Variants in DOCK3 observed in about 807,000 individuals in gnomAD.
DOCK3 encodes the protein dedicator of cytokinesis 3.
DOCK3 carries 60 observed loss-of-function variants against 265.6 expected under a neutral mutation model. The observed-to-expected ratio is 0.23, with a 90% confidence interval of 0.18 to 0.28. DOCK3 has a LOEUF of 0.28. Among genes scored for constraint, DOCK3 ranks in the 10% least tolerant of loss-of-function variants. DOCK3 has a pLI of 1.00. For missense variants in DOCK3, 1,981 were observed against 2,594.3 expected, an observed-to-expected ratio of 0.76 and a Z score of 5.14; for synonymous variants, 881 against 938.0, an observed-to-expected ratio of 0.94 and a Z score of 1.11.
intron 10 of DOCK3, 107 bp downstream of exon 10, chr3:51,146,737 A>G: frequency 1.1e-6 from 1 of 951,462 alleles, no homozygotes; most frequent in Non-Finnish European, 1.6e-6. Context: ...TTCCATATAC[A>G]CTGGGGAGAA....
rs564116380 is a variant in DOCK3, at chr3:50,840,672, C to T, written c.122-1003C>T. Among the ~76,000 whole-genome samples, 9 of 152,294 alleles carry T rather than the reference C, an allele frequency of 5.9e-5. No homozygotes were observed. In the South Asian group the frequency reaches 1.9e-3, roughly 32 times the overall value. On this transcript the variant is annotated intron_variant, in intron 2 of 52. Transcript: ENST00000266037. ...CTTTGAAGAGACTTACTCTGCCACA[C>T]CTCATGATGTCATTTTCTGTTACGT...
At chr3:50,888,300 C>A (rs2048447632) in intron 3 of DOCK3, among the ~76,000 whole-genome samples, 1 of 152,104 alleles carries the variant, frequency 6.6e-6, no homozygotes, top group South Asian at 2.1e-4. Context: ...ATCCAACTTA[C>A]AAGGGATGTG....
intron 5 of DOCK3, among the ~76,000 whole-genome samples, chr3:50,998,418 A>G (rs1257587536): frequency 6.6e-6 from 1 of 152,178 alleles, no homozygotes; most frequent in Non-Finnish European, 1.5e-5. Flanking sequence ...ATTCTGATGT[A>G]GTGAGGGTTA....
At chr3:50,944,912 A>T (rs1385647480) in intron 5 of DOCK3, among the ~76,000 whole-genome samples, 1 of 152,216 alleles carries the variant, frequency 6.6e-6, no homozygotes, top group Non-Finnish European at 1.5e-5. Flanking sequence ...GTGAGCTGAG[A>T]TCGCGTCATC....
At chr3:50,752,020 A>G (rs2039847840) in intron 1 of DOCK3, among the ~76,000 whole-genome samples, 1 of 152,128 alleles carries the variant, frequency 6.6e-6, no homozygotes, top group South Asian at 2.1e-4. Context: ...GGGGATTACA[A>G]TTCAAGATGA....
intron 5 of DOCK3, among the ~76,000 whole-genome samples, chr3:51,043,810 C>A (rs2080642035): frequency 6.6e-6 from 1 of 151,832 alleles, no homozygotes; most frequent in African/African-American, 2.4e-5. Context: ...ATGCGGCCAA[C>A]AATCGTATGT....
At chr3:50,685,738 CT>C in intron 1 of DOCK3, 2 of 225,184 alleles carry the variant, frequency 8.9e-6, no homozygotes, top group Non-Finnish European at 1.0e-5. Context: ...TTTCTGCTGT[CT>C]TTGGAACTTT....
intron 1 of DOCK3, among the ~76,000 whole-genome samples, chr3:50,750,607 C>T (rs1255999125): frequency 6.6e-6 from 1 of 152,146 alleles, no homozygotes; most frequent in Non-Finnish European, 1.5e-5. Flanking sequence ...GGATTACAGT[C>T]GTGAGCTACC....
intron 12 of DOCK3, among the ~76,000 whole-genome samples, chr3:51,189,136 A>T (rs997441230): frequency 1.3e-5 from 2 of 152,106 alleles, no homozygotes; most frequent in African/African-American, 4.8e-5. Flanking sequence ...CTGGGATAAG[A>T]TGATAGCTCA....
At chr3:50,989,698 T>A (rs1484600909) in intron 5 of DOCK3, among the ~76,000 whole-genome samples, 2 of 152,170 alleles carry the variant, frequency 1.3e-5, no homozygotes, top group Non-Finnish European at 2.9e-5. Context: ...CATGCAGAGA[T>A]GAGAAAGAAC....
chr3:50,839,885 C>T, intron 2 of DOCK3, among the ~76,000 whole-genome samples: 1 of 151,258 alleles, frequency 6.6e-6, no homozygotes, highest in East Asian at 1.9e-4. Flanking sequence ...TCTCCTGCCT[C>T]AGCCTCCTGA....
At chr3:51,348,261 A>T (rs895141613) in intron 38 of DOCK3, among the ~76,000 whole-genome samples, 2 of 152,246 alleles carry the variant, frequency 1.3e-5, no homozygotes, top group African/African-American at 4.8e-5. Flanking sequence ...GGATCATCTG[A>T]AGCCTAATTT....
At chr3:50,689,182 A>G (rs761046585) in intron 1 of DOCK3, among the ~76,000 whole-genome samples, 1 of 152,200 alleles carries the variant, frequency 6.6e-6, no homozygotes, top group Non-Finnish European at 1.5e-5. Context: ...CTCTCTGCTA[A>G]TGTTAATCTG....
At chr3:51,303,273 T>A (rs2082456988) in intron 27 of DOCK3, among the ~76,000 whole-genome samples, 1 of 152,228 alleles carries the variant, frequency 6.6e-6, no homozygotes, top group Admixed American at 6.5e-5. Flanking sequence ...TAATTTATGT[T>A]CCTCTCTAAA....
At chr3:51,101,296 A>AT (rs2083082006) in intron 9 of DOCK3, among the ~76,000 whole-genome samples, 2 of 150,134 alleles carry the variant, frequency 1.3e-5, no homozygotes, top group African/African-American at 4.9e-5. Context: ...AATTTTTTGT[A>AT]TTTTTAGTAG....
At chr3:51,351,324 T>G (rs1196596186) in intron 40 of DOCK3, among the ~76,000 whole-genome samples, 1 of 152,196 alleles carries the variant, frequency 6.6e-6, no homozygotes, top group African/African-American at 2.4e-5. Flanking sequence ...ATGTTTGGGA[T>G]CCTGTCTTCT....
intron 1 of DOCK3, among the ~76,000 whole-genome samples, chr3:50,756,929 T>C (rs1421925424): frequency 1.3e-5 from 2 of 152,056 alleles, no homozygotes; most frequent in Non-Finnish European, 2.9e-5. Flanking sequence ...GGCTGGATCA[T>C]GGCTCACTGC....
chr3:50,774,331 A>G (rs1017853125), intron 1 of DOCK3, among the ~76,000 whole-genome samples: 6 of 151,926 alleles, frequency 3.9e-5, no homozygotes, highest in East Asian at 1.9e-4. Flanking sequence ...TTTTTACACT[A>G]TTGAGTTTTC....
chr3:50,742,629 G>T (rs1179209121), intron 1 of DOCK3, among the ~76,000 whole-genome samples: 22 of 148,894 alleles, frequency 1.5e-4, no homozygotes, highest in African/African-American at 5.2e-4. Context: ...AATGAAGCGA[G>T]AAGGGAAGTT....
Sources: allele counts gnomAD v4.1 joint callset (sites outside exome capture counted in the v4.1 genomes callset), GRCh38; gene constraint gnomAD v4.1.1; transcripts MANE v1.5; gene names NCBI Gene and HGNC (gene_info 2026-07-23, HGNC 2026-07-21).